The following AGAP1 variants were observed in gnomAD, a reference collection of about 807,000 sequenced individuals.
AGAP1 encodes arf-GAP with GTPase, ANK repeat and PH domain-containing protein 1.
In AGAP1, 29 loss-of-function variants were observed where a neutral mutation model predicts 105.3. The ratio of observed to expected loss-of-function variants is 0.28; its 90% CI spans 0.21 to 0.38. The LOEUF (loss-of-function observed/expected upper bound fraction) is 0.38, where lower values mean the gene tolerates loss of function less well. Ranked by LOEUF, AGAP1 falls within the 10% of genes least tolerant of loss-of-function variation. The pLI, the probability that AGAP1 is intolerant of heterozygous loss-of-function variation, is 1.00. For synonymous variants in AGAP1, 509 were observed against 485.9 expected, an observed-to-expected ratio of 1.05 and a Z score of -0.63; for missense variants, 998 against 1,165.1, an observed-to-expected ratio of 0.86 and a Z score of 2.09.
At chr2:235,533,410 G>A (rs1943108329) in intron 1 of AGAP1, among the ~76,000 whole-genome samples, 1 of 152,158 alleles carries the variant, frequency 6.6e-6, no homozygotes, top group Non-Finnish European at 1.5e-5. Context: ...AACGGTCTTA[G>A]GGAAATGTGT....
intron 15 of AGAP1, among the ~76,000 whole-genome samples, chr2:236,048,590 G>T (rs908756690): frequency 4.6e-5 from 7 of 152,186 alleles, no homozygotes; most frequent in African/African-American, 1.4e-4. Flanking sequence ...TGGAAACTTT[G>T]ATGTGCCAGT....
chr2:235,563,186 T>G (rs1340736080), intron 1 of AGAP1, among the ~76,000 whole-genome samples: 3 of 152,184 alleles, frequency 2.0e-5, no homozygotes, highest in African/African-American at 7.2e-5. Flanking sequence ...CCCCAGCATC[T>G]CATGCCTCGC....
chr2:235,910,511 G>A (rs1430316660), intron 11 of AGAP1, among the ~76,000 whole-genome samples: 1 of 152,130 alleles, frequency 6.6e-6, no homozygotes, highest in Non-Finnish European at 1.5e-5. Flanking sequence ...TGCTAACTAT[G>A]GGGTGGGAAG....
chr2:235,765,892 A>G (rs956160402), intron 6 of AGAP1, among the ~76,000 whole-genome samples: 6 of 152,230 alleles, frequency 3.9e-5, no homozygotes, highest in Non-Finnish European at 7.3e-5. Flanking sequence ...TAGTGCTTAC[A>G]TTTCTGGCCT....
Position 235,859,906 on chromosome 2 carries a change from G to A in AGAP1, c.1051-23439G>A, listed in dbSNP as rs143039624. On this transcript the variant is annotated intron_variant, in intron 9 of 17. Coordinates refer to ENST00000304032, the MANE Select transcript of AGAP1 (RefSeq NM_001037131.3). ...AACTCAGTTCTTGGCTGTGCGCAGCGCCTTCCACCAGCAAGCAGAGGTTGT... is the reference window on the plus strand; with the variant it reads ...AACTCAGTTCTTGGCTGTGCGCAGCACCTTCCACCAGCAAGCAGAGGTTGT... Among the ~76,000 whole-genome samples the A allele has an allele frequency of 2.2e-3, 332 of 152,266 alleles. 1 individual carries two copies. The highest frequency in any genetic ancestry group is 7.5e-3 in the African/African-American group (313 of 41,554).
rs2149236581 is a variant in AGAP1 at position 235,601,846 on chromosome 2, G to T, written c.163+106997G>T. ...CAGCAGGCCCTGTTTTTCTGGTACA[G>T]TCACACTGGAGGTTCAACACAATCC... On this transcript the variant is annotated intron_variant, in intron 1 of 17. Transcript: ENST00000304032. This position sits in a 1 kb window ranked among gnomAD's most constrained non-coding sequence, Gnocchi z 4.4. Among the ~76,000 whole-genome samples the T allele has an allele frequency of 6.6e-6, 1 of 152,280 alleles. No individual in the cohort carries two copies. The highest frequency in any genetic ancestry group is 6.5e-5 in the Admixed American group (1 of 15,300).
At position 235,855,139 on chromosome 2, in the gene AGAP1, T is replaced by C. The variant is rs1330481605; in HGVS notation, c.1051-28206T>C. ...GCAAAAAAAGCTGAAGGTATTTGTC[T>C]GTGATGTTCAACAAACCAGCCTCAT... On this transcript the variant is annotated intron_variant, in intron 9 of 17. Transcript: ENST00000304032. This position sits in a 1 kb window ranked among gnomAD's most constrained non-coding sequence, Gnocchi z 5.0. Among the ~76,000 whole-genome samples, 1 of 152,246 alleles carries C rather than the reference T, an allele frequency of 6.6e-6. No homozygotes were observed. The highest frequency in any genetic ancestry group is 2.4e-5 in the African/African-American group (1 of 41,470).
chr2:235,841,836 A>T (rs1287611981), intron 9 of AGAP1, among the ~76,000 whole-genome samples: 4 of 152,068 alleles, frequency 2.6e-5, no homozygotes, highest in Non-Finnish European at 5.9e-5. Context: ...ATTCCTGCCT[A>T]TAGGCTCATC....
chr2:235,895,275 C>T (rs1441832882), intron 10 of AGAP1, among the ~76,000 whole-genome samples: 3 of 152,130 alleles, frequency 2.0e-5, no homozygotes, highest in East Asian at 1.9e-4. Context: ...TATGTATTTC[C>T]ATGATGGAGA....
intron 1 of AGAP1, among the ~76,000 whole-genome samples, chr2:235,644,916 C>G (rs1372523096): frequency 6.7e-6 from 1 of 148,964 alleles, no homozygotes; most frequent in African/African-American, 2.5e-5. Context: ...TTTTTGGAGA[C>G]AAGAGTTTTA....
rs1189697194 is a variant in AGAP1 at position 235,994,728 on chromosome 2, A to C, written c.1645+26105A>C. On this transcript the variant is annotated intron_variant, in intron 13 of 17. Transcript: ENST00000304032. The surrounding 1 kb of genome is among the most constrained non-coding windows in gnomAD (Gnocchi z 4.4). ...CGTTACACAAACACACAAGCTTCTC[A>C]GGGGAAGAGCATGATGAATTTCTTT... 6.6e-6 allele frequency among the ~76,000 whole-genome samples: 1 copy of C among 151,276 alleles called. No individual in the cohort carries two copies. Among genetic ancestry groups the C allele is most frequent in the Non-Finnish European group, 1.5e-5 (1 of 67,806 alleles).
chr2:235,590,640 G>T (rs1945293991), intron 1 of AGAP1, among the ~76,000 whole-genome samples: 2 of 140,324 alleles, frequency 1.4e-5, no homozygotes, highest in African/African-American at 2.6e-5. Flanking sequence ...TTTTGTTTCT[G>T]TTTTTTTTGT....
In AGAP1 at chr2:236,130,549, G is replaced by A. The variant is rs1011620678; in HGVS notation, c.*6427G>A. The A allele has an allele frequency of 6.6e-6, 1 of 152,208 alleles. No homozygotes were observed. Among genetic ancestry groups the A allele is most frequent in the Non-Finnish European group, 1.5e-5 (1 of 68,096 alleles). 9.4% of individuals were successfully genotyped at this position (152,208 alleles called of 1,614,324 possible). A position where few individuals can be genotyped will look rare whatever the true frequency, so the allele number is the denominator to read the frequency against. ...TGAACAGTCTACACTGGCCCAGGAA[G>A]CTAACGTCTGAGCCGCTTGGAGAGC... On this transcript the variant is annotated 3_prime_UTR_variant, in exon 18 of 18. Coordinates refer to ENST00000304032, the MANE Select transcript of AGAP1 (RefSeq NM_001037131.3). This position sits in a 1 kb window ranked among gnomAD's most constrained non-coding sequence, Gnocchi z 5.8.
At chr2:236,041,165 G>A (rs556090644) in intron 15 of AGAP1, among the ~76,000 whole-genome samples, 16 of 152,114 alleles carry the variant, frequency 1.1e-4, no homozygotes, top group African/African-American at 3.6e-4. Flanking sequence ...AATTCAAGAC[G>A]AGCCTGGGCA....
rs1181929554 is a variant in AGAP1 at position 235,994,232 on chromosome 2, A to G, written c.1645+25609A>G. 1.3e-5 allele frequency among the ~76,000 whole-genome samples: 2 copies of G among 152,182 alleles called. No individual in the cohort carries two copies. The highest frequency in any genetic ancestry group is 4.8e-5 in the African/African-American group (2 of 41,428). ...TTTTGGCAAGACACCTTCGTCTTAG[A>G]GTGCCTACATCCATTTCTGTTGAAA... is the stretch of plus-strand genomic sequence containing the variant. On this transcript the variant is annotated intron_variant, in intron 13 of 17. Transcript: ENST00000304032. The surrounding 1 kb of genome is among the most constrained non-coding windows in gnomAD (Gnocchi z 4.4).
Position 236,080,922 on chromosome 2 carries a change from C to CT in AGAP1, c.2114+31642dup, listed in dbSNP as rs2058763779. Among the ~76,000 whole-genome samples, 2 of 152,204 alleles carry CT rather than the reference C, an allele frequency of 1.3e-5. No homozygotes were observed. Among genetic ancestry groups the CT allele is most frequent in the South Asian group, 4.1e-4 (2 of 4,820 alleles). ...GCCCACCTGGATAATCCAAGATACT[C>CT]TCCCCTCTCAAGGGCCTTGTCTTAA... On this transcript the variant is annotated intron_variant, in intron 16 of 17. Coordinates refer to ENST00000304032, the MANE Select transcript of AGAP1 (RefSeq NM_001037131.3). This position sits in a 1 kb window ranked among gnomAD's most constrained non-coding sequence, Gnocchi z 4.2.
chr2:235,931,007 C>A lies in AGAP1; in HGVS notation c.1483+84C>A. On this transcript the variant is annotated intron_variant, in intron 12 of 17. Transcript: ENST00000304032. The surrounding 1 kb of genome is among the most constrained non-coding windows in gnomAD (Gnocchi z 5.6). ...CAGGGGCTGGACAGGACGCCCTAAG[C>A]TCTCATGCTCCTCTGGGAGCGCAGC... 6.8e-7 allele frequency: 1 copy of A among 1,478,150 alleles called. No individual in the cohort carries two copies. The allele number at this position is 1,478,150 out of a possible 1,614,324, so 91.6% of individuals were successfully genotyped here.
intron 9 of AGAP1, among the ~76,000 whole-genome samples, chr2:235,858,689 T>G (rs537340349): frequency 6.6e-6 from 1 of 152,220 alleles, no homozygotes; most frequent in Non-Finnish European, 1.5e-5. Context: ...TCAAAAGTTA[T>G]AATGTATCCG....
At chr2:235,627,456 C>A (rs1268949446) in intron 1 of AGAP1, among the ~76,000 whole-genome samples, 1 of 152,140 alleles carries the variant, frequency 6.6e-6, no homozygotes, top group African/African-American at 2.4e-5. Flanking sequence ...AACTCCTGAT[C>A]TCAAGTGATC....
Sources: gnomAD v4.1 joint callset for allele counts (sites outside exome capture counted in the v4.1 genomes callset) on GRCh38, gnomAD v4.1.1 for gene constraint, Gnocchi (gnomAD v3.1) non-coding constraint, MANE v1.5 for transcripts, NCBI Gene and HGNC (gene_info 2026-07-23, HGNC 2026-07-21) for gene names.